TEX9: variants seen among roughly 807,000 people sequenced by gnomAD.
TEX9 encodes the protein testis expressed 9.
Under a neutral mutation model 59.6 loss-of-function variants are expected in TEX9, and 74 were observed. The ratio of observed to expected loss-of-function variants is 1.24; its 90% CI spans 1.03 to 1.51. The LOEUF (loss-of-function observed/expected upper bound fraction) is 1.51. TEX9 is among the 40% of genes most tolerant of loss of function. The pLI, the probability that TEX9 is intolerant of heterozygous loss-of-function variation, is 0.00. For missense variants in TEX9, 522 were observed against 447.8 expected (o/e 1.17, Z -1.49); for synonymous variants, 186 against 152.2 (o/e 1.22, Z -1.64).
At chr15:56,437,566 T>A (rs1312350620) in intron 12 of TEX9, among the ~76,000 whole-genome samples, 2 of 152,190 alleles carry the variant, frequency 1.3e-5, no homozygotes, top group South Asian at 2.1e-4. Flanking sequence ...AAGACAGGGA[T>A]GCCCTCTCTC....
At chr15:56,367,913 C>A (rs1282890163) in intron 2 of TEX9, among the ~76,000 whole-genome samples, 5 of 152,146 alleles carry the variant, frequency 3.3e-5, no homozygotes, top group African/African-American at 1.2e-4. Context: ...CTCTCTTATT[C>A]ATTCTGTGAA....
At chr15:56,337,118 A>C (rs1168525862) in intron 1 of TEX9, among the ~76,000 whole-genome samples, 1 of 152,144 alleles carries the variant, frequency 6.6e-6, no homozygotes, top group African/African-American at 2.4e-5. Context: ...GGAAAAATTT[A>C]CAAGAAAAAG....
At chr15:56,443,982 G>C in intron 12 of TEX9, 1 of 727,438 alleles carries the variant, frequency 1.4e-6, no homozygotes, top group Non-Finnish European at 2.1e-6. Context: ...CAAACATTTT[G>C]AATGCTTACT....
rs78075304 is a variant in TEX9 at position 56,379,809 on chromosome 15, T to C, written c.184-4143T>C. Among the ~76,000 whole-genome samples, 1,432 of 152,294 alleles carry C rather than the reference T, an allele frequency of 9.4e-3. 13 individuals are homozygous for C. Among genetic ancestry groups the C allele is most frequent in the Admixed American group, 0.015 (222 of 15,292 alleles). ...ATATAATGACCTTCTTTGTCTCTTC[T>C]TACATTTTTTGTTTTGAAATTTATT... On this transcript the variant is annotated intron_variant, in intron 3 of 12. Transcript: ENST00000352903.
chr15:56,344,064 G>A (rs1475192271), intron 1 of TEX9, among the ~76,000 whole-genome samples: 2 of 152,136 alleles, frequency 1.3e-5, no homozygotes, highest in South Asian at 2.1e-4. Flanking sequence ...TTACACTGCT[G>A]GTGAGAATGT....
chr15:56,394,458 A>T lies in TEX9; in HGVS notation c.655-203A>T, dbSNP rs993764431. On this transcript the variant is annotated intron_variant, in intron 8 of 12. Transcript: ENST00000352903. ...ATTCTTGCTACAATTAGAATTCTCT[A>T]TATTAGTCTTACAAATGTAGTGTAA... is the stretch of plus-strand genomic sequence containing the variant. 5 of 625,964 alleles carry T rather than the reference A, an allele frequency of 8.0e-6. No individual in the cohort carries two copies. In the South Asian group the frequency reaches 9.3e-5, roughly 12 times the overall value. 38.8% of individuals were successfully genotyped at this position (625,964 alleles called of 1,614,324 possible). A position where few individuals can be genotyped will look rare whatever the true frequency, so the allele number is the denominator to read the frequency against.
chr15:56,409,137 A>G lies in TEX9; in HGVS notation c.829-3165A>G, dbSNP rs528891514. Reference sequence around the variant, plus strand: ...CGTGAACCCGGGAGGCGGTGCTTGCAGTGAGCCGAGATTGCACCACTGCAC... The same window carrying G: ...CGTGAACCCGGGAGGCGGTGCTTGCGGTGAGCCGAGATTGCACCACTGCAC... On this transcript the variant is annotated intron_variant, in intron 9 of 12. Coordinates refer to ENST00000352903, the Ensembl canonical transcript of TEX9. Among the ~76,000 whole-genome samples the G allele has an allele frequency of 9.6e-4, 146 of 152,092 alleles. 1 individual carries two copies. Among genetic ancestry groups the G allele is most frequent in the African/African-American group, 3.4e-3 (140 of 41,496 alleles).
chr15:56,437,847 G>T (rs1252945995), intron 12 of TEX9, among the ~76,000 whole-genome samples: 9 of 152,090 alleles, frequency 5.9e-5, no homozygotes, highest in Non-Finnish European at 7.4e-5. Flanking sequence ...GCCAAATCAT[G>T]AGTGAACTCG....
intron 1 of TEX9, among the ~76,000 whole-genome samples, chr15:56,255,401 T>G (rs2044122848): frequency 6.6e-6 from 1 of 152,050 alleles, no homozygotes; most frequent in Non-Finnish European, 1.5e-5. Context: ...CACACACATA[T>G]GGAACACCAG....
intron 9 of TEX9, among the ~76,000 whole-genome samples, chr15:56,399,117 G>C (rs1220241356): frequency 6.6e-6 from 1 of 152,210 alleles, no homozygotes; most frequent in Non-Finnish European, 1.5e-5. Flanking sequence ...TTGGACAGTG[G>C]GTGCAGCCCA....
chr15:56,282,047 G>T (rs1596063818), intron 1 of TEX9, among the ~76,000 whole-genome samples: 1 of 152,064 alleles, frequency 6.6e-6, no homozygotes. Context: ...ATAAAAAAAA[G>T]ATTTTAGTAA....
intron 12 of TEX9, among the ~76,000 whole-genome samples, chr15:56,436,466 G>A (rs1174099073): frequency 6.6e-6 from 1 of 152,144 alleles, no homozygotes. Context: ...AGTGTGTAGA[G>A]GGAAATTTAT....
intron 1 of TEX9, among the ~76,000 whole-genome samples, chr15:56,294,294 CT>C (rs2141522997): frequency 6.6e-6 from 1 of 152,318 alleles, no homozygotes; most frequent in South Asian, 2.1e-4. Context: ...GTAGCTGATC[CT>C]GCTTCTTGTC....
intron 1 of TEX9, among the ~76,000 whole-genome samples, chr15:56,277,942 G>A (rs1303739798): frequency 2.0e-5 from 3 of 152,028 alleles, no homozygotes; most frequent in East Asian, 3.8e-4. Flanking sequence ...CCCTCTTGAG[G>A]GACCAACACT....
chr15:56,380,946 T>G (rs1459808881), intron 3 of TEX9, among the ~76,000 whole-genome samples: 2 of 152,198 alleles, frequency 1.3e-5, no homozygotes, highest in African/African-American at 4.8e-5. Flanking sequence ...TTCTTTTACT[T>G]GAACATTGAT....
At chr15:56,455,147 T>C in the TEX9 span, among the ~76,000 whole-genome samples, 3 of 151,806 alleles carry the variant, frequency 2.0e-5, no homozygotes, top group East Asian at 1.9e-4. Context: ...GAGGAACATT[T>C]ATCTGAATAA....
intron 1 of TEX9, among the ~76,000 whole-genome samples, chr15:56,270,167 T>C (rs948433682): frequency 1.8e-4 from 27 of 152,176 alleles, no homozygotes; most frequent in African/African-American, 5.6e-4. Context: ...TAGGTCTGCT[T>C]GGTGCAGAGC....
rs577724273 is a variant in TEX9 at position 56,422,775 on chromosome 15, C to T, written c.964-4830C>T. On this transcript the variant is annotated intron_variant, in intron 10 of 12. Coordinates refer to ENST00000352903, the Ensembl canonical transcript of TEX9. Reference sequence around the variant, plus strand: ...ATGAACTCTTTTCATCTTGCAAAAACTGAAACTCTCTACCAATTAAGCCAC... The same window carrying T: ...ATGAACTCTTTTCATCTTGCAAAAATTGAAACTCTCTACCAATTAAGCCAC... 6.6e-5 allele frequency among the ~76,000 whole-genome samples: 10 copies of T among 152,110 alleles called. No homozygotes were observed. The South Asian group carries it at 2.1e-3, about 32-fold the overall frequency.
intron 1 of TEX9, among the ~76,000 whole-genome samples, chr15:56,287,132 C>T (rs1301138700): frequency 6.6e-6 from 1 of 152,072 alleles, no homozygotes; most frequent in African/African-American, 2.4e-5. Context: ...AATAGGAGAA[C>T]TATGAATCTT....
Sources: allele counts gnomAD v4.1 joint callset (sites outside exome capture counted in the v4.1 genomes callset), GRCh38; gene constraint gnomAD v4.1.1; transcripts MANE v1.5; gene names NCBI Gene and HGNC (gene_info 2026-07-23, HGNC 2026-07-21).